The following PLEKHD1 variants were observed in gnomAD, a reference collection of about 807,000 sequenced individuals.
The protein encoded by PLEKHD1 is pleckstrin homology domain-containing family D member 1.
Under a neutral mutation model 69.2 loss-of-function variants are expected in PLEKHD1, and 51 were observed. The observed-to-expected ratio is 0.74, with a 90% CI of 0.59 to 0.93. The LOEUF (loss-of-function observed/expected upper bound fraction) is 0.93. Among genes scored for constraint, PLEKHD1 ranks in the 40% least tolerant of loss-of-function variants. The pLI is 0.00. For synonymous variants in PLEKHD1, 236 were observed against 244.7 expected (o/e 0.96, Z 0.33); for missense variants, 584 against 641.0 (o/e 0.91, Z 0.96).
At chr14:69,520,166 CAAAAAAAAAAAAAA>C (rs761343645) in intron 6 of PLEKHD1, among the ~76,000 whole-genome samples, 6 of 20,510 alleles carry the variant, frequency 2.9e-4, no homozygotes, top group South Asian at 5.1e-3. Context: ...GACTCTGTCT[CAAAAAAAAAAAAAA>C]AAAAAAAAAA....
At chr14:69,507,283 C>T (rs1594983300) in intron 6 of PLEKHD1, among the ~76,000 whole-genome samples, 1 of 152,166 alleles carries the variant, frequency 6.6e-6, no homozygotes, top group South Asian at 2.1e-4. Flanking sequence ...AGATTGGCTT[C>T]TTTCACTTAG....
rs1485609734 is a variant in PLEKHD1, at chr14:69,526,840, G to A, written c.1056+11G>A. ...GAGCGGGAGCTCAAGGTGCGACCTGGCCTGCTGGTGCCAGGGCCCTTCCCC... is the reference window on the plus strand; with the variant it reads ...GAGCGGGAGCTCAAGGTGCGACCTGACCTGCTGGTGCCAGGGCCCTTCCCC... On this transcript the variant is annotated intron_variant, in intron 10 of 12. Coordinates refer to ENST00000322564, the MANE Select transcript of PLEKHD1 (RefSeq NM_001161498.2). 1 of 1,525,314 alleles carries A rather than the reference G, an allele frequency of 6.6e-7. No individual in the cohort carries two copies. Among genetic ancestry groups the A allele is most frequent in the Non-Finnish European group, 8.8e-7 (1 of 1,135,036 alleles). The allele number at this position is 1,525,314 out of a possible 1,614,324, so 94.5% of individuals were successfully genotyped here.
intron 4 of PLEKHD1, 44 bp downstream of exon 4, chr14:69,500,991 G>C (rs1218847393): frequency 1.3e-6 from 2 of 1,540,828 alleles, no homozygotes; most frequent in East Asian, 2.4e-5. Flanking sequence ...ATCCAGGATG[G>C]GGTGGGCGGG....
chr14:69,513,592 T>C (rs367836420), intron 6 of PLEKHD1, among the ~76,000 whole-genome samples: 20 of 152,372 alleles, frequency 1.3e-4, no homozygotes, highest in African/African-American at 4.3e-4. Context: ...TCTGTTAAGC[T>C]AAGTTACAGT....
At chr14:69,485,259 C>A in intron 1 of PLEKHD1, 145 bp downstream of exon 1, 1 of 1,064,384 alleles carries the variant, frequency 9.4e-7, no homozygotes, top group Non-Finnish European at 1.3e-6. Context: ...CTGGCTCCCG[C>A]AGGAAAATGT....
intron 1 of PLEKHD1, among the ~76,000 whole-genome samples, chr14:69,485,403 T>C (rs541011339): frequency 3.9e-5 from 6 of 152,248 alleles, no homozygotes; most frequent in African/African-American, 1.4e-4. Flanking sequence ...CGGGGTGGGA[T>C]CCCAGCTAGG....
intron 6 of PLEKHD1, among the ~76,000 whole-genome samples, chr14:69,516,207 C>T (rs559533343): frequency 6.6e-6 from 1 of 152,284 alleles, no homozygotes; most frequent in South Asian, 2.1e-4. Flanking sequence ...TTCTTCCGTT[C>T]TCTTTCTTTT....
chr14:69,483,462 G>A (rs937938475), upstream of PLEKHD1, among the ~76,000 whole-genome samples: 4 of 152,136 alleles, frequency 2.6e-5, no homozygotes, highest in African/African-American at 9.7e-5. Flanking sequence ...AATGATACAA[G>A]TGGTTGTTGT....
chr14:69,503,863 CAAAAAAAAAAA>C (rs35831952), intron 6 of PLEKHD1, among the ~76,000 whole-genome samples: 3 of 39,138 alleles, frequency 7.7e-5, no homozygotes, highest in East Asian at 7.6e-4. Context: ...GACTCCGTCT[CAAAAAAAAAAA>C]AAAAAAAAAA....
intron 6 of PLEKHD1, among the ~76,000 whole-genome samples, chr14:69,506,716 T>C (rs1312422494): frequency 6.6e-6 from 1 of 152,146 alleles, no homozygotes; most frequent in Non-Finnish European, 1.5e-5. Context: ...TGAGTCAACA[T>C]TGACACACTG....
chr14:69,509,886 C>T (rs1244592052), intron 6 of PLEKHD1, among the ~76,000 whole-genome samples: 1 of 151,430 alleles, frequency 6.6e-6, no homozygotes, highest in Non-Finnish European at 1.5e-5. Context: ...TGCTGTGAGC[C>T]AAGATCACAC....
At chr14:69,500,089 T>G in intron 1 of PLEKHD1, 26 bp from the exon 2 acceptor site, 1 of 1,505,352 alleles carries the variant, frequency 6.6e-7, no homozygotes, top group Non-Finnish European at 9.0e-7. Flanking sequence ...TCCTGGTTGC[T>G]TTTCCTTCCC....
chr14:69,483,699 A>T (rs1244849950), upstream of PLEKHD1, among the ~76,000 whole-genome samples: 1 of 152,276 alleles, frequency 6.6e-6, no homozygotes, highest in African/African-American at 2.4e-5. Context: ...CTTCTGTTGC[A>T]ATCCGACTTC....
chr14:69,520,890 C>T (rs1392549535), intron 6 of PLEKHD1, among the ~76,000 whole-genome samples: 2 of 152,192 alleles, frequency 1.3e-5, no homozygotes, highest in African/African-American at 4.8e-5. Context: ...GCTCTCATTC[C>T]ATTGGCTTTA....
chr14:69,499,310 C>T (rs1252042766), intron 1 of PLEKHD1, among the ~76,000 whole-genome samples: 6 of 152,036 alleles, frequency 3.9e-5, no homozygotes, highest in Admixed American at 1.3e-4. Context: ...GCTCACACCC[C>T]GTCACTACAA....
chr14:69,500,370 T>A, intron 2 of PLEKHD1, 162 bp downstream of exon 2: 1 of 718,766 alleles, frequency 1.4e-6, no homozygotes, highest in Non-Finnish European at 2.3e-6. Context: ...TGTCCTGGGC[T>A]GGACCCTCAC....
intron 6 of PLEKHD1, among the ~76,000 whole-genome samples, chr14:69,505,177 T>G (rs1883123417): frequency 6.6e-6 from 1 of 152,172 alleles, no homozygotes; most frequent in Non-Finnish European, 1.5e-5. Flanking sequence ...TGAATGAGAC[T>G]CAGGCCCAGC....
In PLEKHD1 at chr14:69,522,294, C is replaced by G. The variant is rs1199155078; in HGVS notation, c.567C>G (p.Arg189=). 1.9e-6 allele frequency: 3 copies of G among 1,551,360 alleles called. No homozygotes were observed. Among genetic ancestry groups the G allele is most frequent in the African/African-American group, 1.4e-5 (1 of 73,018 alleles). The change falls in exon 7 of 13, where the codon CGC becomes CGG. Residue 189 remains arginine, a synonymous_variant. Coordinates refer to ENST00000322564, the MANE Select transcript of PLEKHD1 (RefSeq NM_001161498.2). ...TCTGGTCTCTTCAGGAGCTTGAGCGCCTTAACCAGGTGCTGGAGGCCGAGA... is the reference window on the plus strand; with the variant it reads ...TCTGGTCTCTTCAGGAGCTTGAGCGGCTTAACCAGGTGCTGGAGGCCGAGA... ...LQREQREELE[R]LNQVLEAEKQ...
chr14:69,527,470 C>T (rs762997067), intron 11 of PLEKHD1, 138 bp downstream of exon 11: 6 of 1,274,716 alleles, frequency 4.7e-6, no homozygotes, highest in Non-Finnish European at 6.5e-6. Flanking sequence ...GTTTCTTCTC[C>T]AGTTACCTGC....
Sources: gnomAD v4.1 joint callset for allele counts (sites outside exome capture counted in the v4.1 genomes callset) on GRCh38, gnomAD v4.1.1 for gene constraint, MANE v1.5 for transcripts, NCBI Gene and HGNC (gene_info 2026-07-23, HGNC 2026-07-21) for gene names.